LIMD1: variants seen among roughly 807,000 people sequenced by gnomAD.
LIMD1 encodes LIM domain-containing protein 1.
In LIMD1, 23 loss-of-function variants were observed where a neutral mutation model predicts 58.4. That is an observed-to-expected ratio of 0.39 (90% CI 0.28 to 0.56). The LOEUF (loss-of-function observed/expected upper bound fraction) is 0.56. LIMD1 is among the 20% of genes least tolerant of loss of function. The pLI is 0.57. For missense variants in LIMD1, 838 were observed against 855.5 expected (o/e 0.98, Z 0.25); for synonymous variants, 334 against 345.5 (o/e 0.97, Z 0.37).
rs1249237447 is a variant in LIMD1 at position 45,677,150 on chromosome 3, G to A, written c.*91G>A. ...GGCCCCTGGGGTGGAAGTGGGGTAG[G>A]GGAAGAGGAGGGGCAGGAGGGAGAG... On this transcript the variant is annotated 3_prime_UTR_variant, in exon 8 of 8. Coordinates refer to ENST00000273317, the MANE Select transcript of LIMD1 (RefSeq NM_014240.3). The A allele has an allele frequency of 3.7e-5, 53 of 1,428,348 alleles. No individual in the cohort carries two copies. Among genetic ancestry groups the A allele is most frequent in the South Asian group, 2.8e-4 (23 of 81,798 alleles). 88.5% of individuals were successfully genotyped at this position (1,428,348 alleles called of 1,614,324 possible). A position where few individuals can be genotyped will look rare whatever the true frequency, so the allele number is the denominator to read the frequency against.
At chr3:45,647,330 A>C (rs1011613422) in intron 2 of LIMD1, among the ~76,000 whole-genome samples, 1 of 152,186 alleles carries the variant, frequency 6.6e-6, no homozygotes, top group African/African-American at 2.4e-5. Flanking sequence ...TTAAAGTTTA[A>C]AGGGGAAGTG....
intron 1 of LIMD1, chr3:45,632,643 C>A: frequency 1.4e-6 from 1 of 701,350 alleles, no homozygotes; most frequent in Non-Finnish European, 1.8e-6. Flanking sequence ...CTTGCGGAGG[C>A]CACAGTTAAG....
rs1412472696 is a variant in LIMD1, at chr3:45,681,132, A to G, written c.*4073A>G. ...TGTATGAAAATTTCATTGTACAGGG[A>G]AATTATTTTCCTCTGTGTCTTTTCT... is the stretch of plus-strand genomic sequence containing the variant. On this transcript the variant is annotated 3_prime_UTR_variant, in exon 8 of 8. Transcript: ENST00000273317. 1 of 152,078 alleles carries G rather than the reference A, an allele frequency of 6.6e-6. No individual in the cohort carries two copies. The highest frequency in any genetic ancestry group is 2.4e-5 in the African/African-American group (1 of 41,434). The allele number at this position is 152,078 out of a possible 1,614,324, so 9.4% of individuals were successfully genotyped here.
intron 2 of LIMD1, among the ~76,000 whole-genome samples, chr3:45,656,862 G>A (rs1288444251): frequency 6.6e-6 from 1 of 152,172 alleles, no homozygotes; most frequent in East Asian, 1.9e-4. Context: ...ATTATTGCAA[G>A]ATTAATGAAA....
chr3:45,631,224 A>T (rs1365091961), intron 1 of LIMD1, among the ~76,000 whole-genome samples: 2 of 151,476 alleles, frequency 1.3e-5, no homozygotes, highest in African/African-American at 2.4e-5. Flanking sequence ...ATAATAATAA[A>T]AATCCAAAGA....
chr3:45,616,814 G>T (rs1369989576), intron 1 of LIMD1, among the ~76,000 whole-genome samples: 1 of 151,644 alleles, frequency 6.6e-6, no homozygotes, highest in Non-Finnish European at 1.5e-5. Flanking sequence ...GAGTGTGGTG[G>T]CGCAATCTTG....
chr3:45,663,005 A>G (rs1697464698), intron 2 of LIMD1, among the ~76,000 whole-genome samples: 1 of 151,836 alleles, frequency 6.6e-6, no homozygotes, highest in African/African-American at 2.4e-5. Flanking sequence ...ACAAAACAGT[A>G]CTAGTTTGTG....
intron 2 of LIMD1, among the ~76,000 whole-genome samples, chr3:45,662,739 G>A (rs904423614): frequency 2.0e-5 from 3 of 152,180 alleles, no homozygotes; most frequent in African/African-American, 7.2e-5. Context: ...GCTCACACCT[G>A]TAATCCCAGC....
At chr3:45,672,616 C>A in intron 4 of LIMD1, 74 bp from the exon 5 acceptor site, 1 of 1,524,790 alleles carries the variant, frequency 6.6e-7, no homozygotes. Flanking sequence ...ATCCTTAGGC[C>A]TGATGTGTTC....
At chr3:45,629,129 C>T (rs182434897) in intron 1 of LIMD1, among the ~76,000 whole-genome samples, 5 of 152,020 alleles carry the variant, frequency 3.3e-5, no homozygotes, top group East Asian at 3.9e-4. Context: ...TGTCACAACA[C>T]GGGGCTGGGC....
rs1697696058 is a variant in LIMD1 at position 45,678,151 on chromosome 3, A to C, written c.*1092A>C. ...CACAGGCATTATGTTTGAAGAAACC[A>C]GGATAAGGTACACTGCTTTTGTCTG... On this transcript the variant is annotated 3_prime_UTR_variant, in exon 8 of 8. Coordinates refer to ENST00000273317, the MANE Select transcript of LIMD1 (RefSeq NM_014240.3). 1 of 152,662 alleles carries C rather than the reference A, an allele frequency of 6.6e-6. No homozygotes were observed. The highest frequency in any genetic ancestry group is 2.4e-5 in the African/African-American group (1 of 41,456). 9.5% of individuals were successfully genotyped at this position (152,662 alleles called of 1,614,324 possible). A position where few individuals can be genotyped will look rare whatever the true frequency, so the allele number is the denominator to read the frequency against.
At chr3:45,615,319 C>T (rs765979888) in intron 1 of LIMD1, among the ~76,000 whole-genome samples, 19 of 152,136 alleles carry the variant, frequency 1.2e-4, no homozygotes, top group Admixed American at 2.0e-4. Context: ...TGTTTGTTTT[C>T]TCATGGTACA....
intron 2 of LIMD1, among the ~76,000 whole-genome samples, chr3:45,643,339 A>G (rs1236528202): frequency 1.3e-5 from 2 of 151,824 alleles, no homozygotes; most frequent in Admixed American, 1.3e-4. Flanking sequence ...ACAAAAATTA[A>G]CCGCATGTGG....
chr3:45,650,814 T>C (rs931606282), intron 2 of LIMD1, among the ~76,000 whole-genome samples: 22 of 152,012 alleles, frequency 1.4e-4, no homozygotes, highest in African/African-American at 4.6e-4. Flanking sequence ...GCGTGTGTCT[T>C]TATAGCAGCA....
Position 45,654,812 on chromosome 3 carries a change from CAAAAAAA to C in LIMD1, c.1511-10822_1511-10816del, listed in dbSNP as rs1227980901. ...TGGGTGACAGAGTAAGACCCTGTCT[CAAAAAAA>C]AAAAAAAAAAAAAAAGAAAAAAGAA... On this transcript the variant is annotated intron_variant, in intron 2 of 7. Coordinates refer to ENST00000273317, the MANE Select transcript of LIMD1 (RefSeq NM_014240.3). Among the ~76,000 whole-genome samples, 564 of 56,512 alleles carry C rather than the reference CAAAAAAA, an allele frequency of 1.0e-2. 26 individuals are homozygous for C. In the East Asian group the frequency reaches 0.17, roughly 17 times the overall value. 37.1% of individuals were successfully genotyped at this position (56,512 alleles called of 152,430 possible).
chr3:45,648,494 T>C (rs1292948971), intron 2 of LIMD1, among the ~76,000 whole-genome samples: 1 of 152,224 alleles, frequency 6.6e-6, no homozygotes, highest in Non-Finnish European at 1.5e-5. Flanking sequence ...CAGCAGTTGA[T>C]AGACACTTGT....
At chr3:45,635,965 T>G in intron 1 of LIMD1, 185 bp from the exon 2 acceptor site, 1 of 985,266 alleles carries the variant, frequency 1.0e-6, no homozygotes, top group Non-Finnish European at 1.2e-6. Flanking sequence ...TGGTAGCTGT[T>G]TTCTGCAGTT....
intron 1 of LIMD1, among the ~76,000 whole-genome samples, chr3:45,599,199 G>A (rs1397245159): frequency 1.6e-4 from 25 of 151,888 alleles, no homozygotes; most frequent in Admixed American, 1.6e-3. Flanking sequence ...CCATTTTGAA[G>A]TGAACAATTC....
At chr3:45,599,307 CA>C in intron 1 of LIMD1, among the ~76,000 whole-genome samples, 1 of 118,510 alleles carries the variant, frequency 8.4e-6, no homozygotes, top group Middle Eastern at 4.0e-3. Context: ...ACCCCATACC[CA>C]TAAAGCAATT....
Sources: allele counts gnomAD v4.1 joint callset (sites outside exome capture counted in the v4.1 genomes callset), GRCh38; gene constraint gnomAD v4.1.1; transcripts MANE v1.5; gene names NCBI Gene and HGNC (gene_info 2026-07-23, HGNC 2026-07-21).